Variants in SCD5 observed in about 807,000 individuals in gnomAD.
SCD5 encodes acyl-CoA-desaturase 4.
Under a neutral mutation model 30.4 loss-of-function variants are expected in SCD5, and 20 were observed. The ratio of observed to expected loss-of-function variants is 0.66; its 90% confidence interval spans 0.46 to 0.96. SCD5 has a LOEUF of 0.96. Ranked by LOEUF, SCD5 falls within the 40% of genes least tolerant of loss-of-function variation. The probability of loss-of-function intolerance (pLI) is 0.00; values close to 1 mark genes in which losing one functional copy is unlikely to be tolerated. For missense variants in SCD5, 381 were observed against 443.3 expected (o/e 0.86, Z 1.26); for synonymous variants, 173 against 176.4 (o/e 0.98, Z 0.16).
Position 82,712,905 on chromosome 4 carries a change from G to A in SCD5, c.233-7492C>T, listed in dbSNP as rs144398351. Among the ~76,000 whole-genome samples the A allele has an allele frequency of 7.9e-5, 12 of 152,306 alleles. No individual in the cohort carries two copies. In the East Asian group the frequency reaches 1.3e-3, roughly 17 times the overall value. On this transcript the variant is annotated intron_variant, in intron 1 of 4. Transcript: ENST00000319540. The stretch of plus-strand genomic sequence containing the variant: ...TTCAAGATTCAGAGGTGATTTCCAC[G>A]TAGGTACTATTTCAACAATTCTTTC...
chr4:82,730,453 T>C (rs548980268), intron 1 of SCD5, among the ~76,000 whole-genome samples: 44 of 148,334 alleles, frequency 3.0e-4, no homozygotes, highest in South Asian at 4.3e-4. Context: ...CATGCCACTA[T>C]GCCTGGCTAA....
intron 4 of SCD5, among the ~76,000 whole-genome samples, chr4:82,634,771 C>T (rs1486648626): frequency 2.0e-5 from 3 of 152,168 alleles, no homozygotes; most frequent in African/African-American, 7.2e-5. Flanking sequence ...CCATCTTGTC[C>T]CCATTTCTGT....
At chr4:82,729,032 G>A (rs1009592757) in intron 1 of SCD5, among the ~76,000 whole-genome samples, 1 of 152,204 alleles carries the variant, frequency 6.6e-6, no homozygotes, top group African/African-American at 2.4e-5. Flanking sequence ...AGGAGAGGGA[G>A]AAAGGTATAG....
intron 1 of SCD5, among the ~76,000 whole-genome samples, chr4:82,712,285 TATATATATATATTTTA>T (rs1720121622): frequency 2.2e-5 from 1 of 45,074 alleles, no homozygotes; most frequent in African/African-American, 1.1e-4. Flanking sequence ...TATATATATA[TATATATATATATTTTA>T]TTTTTATTTT....
intron 3 of SCD5, among the ~76,000 whole-genome samples, chr4:82,648,177 T>G (rs573110495): frequency 6.6e-6 from 1 of 152,346 alleles, no homozygotes; most frequent in African/African-American, 2.4e-5. Flanking sequence ...TCTGAGCCAC[T>G]GAACCTCAGG....
intron 1 of SCD5, among the ~76,000 whole-genome samples, chr4:82,728,113 C>T (rs1173777343): frequency 6.6e-6 from 1 of 151,502 alleles, no homozygotes; most frequent in African/African-American, 2.4e-5. Context: ...AGAGTGAAAC[C>T]CTGTCTCTAA....
intron 2 of SCD5, among the ~76,000 whole-genome samples, chr4:82,687,833 A>C (rs913130232): frequency 1.3e-5 from 2 of 152,088 alleles, no homozygotes; most frequent in African/African-American, 2.4e-5. Context: ...CTTCAGAACT[A>C]CTCCCCAGCT....
chr4:82,794,902 C>T (rs564316801), intron 1 of SCD5, among the ~76,000 whole-genome samples: 152 of 152,288 alleles, frequency 1.0e-3, no homozygotes, highest in Non-Finnish European at 2.0e-3. Context: ...CAGCCCGCCT[C>T]GGCCTCCCAA....
intron 1 of SCD5, among the ~76,000 whole-genome samples, chr4:82,728,434 A>G (rs1379234037): frequency 2.0e-5 from 3 of 152,234 alleles, no homozygotes; most frequent in African/African-American, 7.2e-5. Flanking sequence ...TAAGATAGGC[A>G]TAGTTTCTAC....
At chr4:82,721,439 C>T (rs75332437) in intron 1 of SCD5, among the ~76,000 whole-genome samples, 1,683 of 152,254 alleles carry the variant, frequency 0.011, 25 homozygotes, top group African/African-American at 0.037. Context: ...TTGTGTCCCC[C>T]CAAAATTCAA....
At chr4:82,670,184 T>G (rs924137825) in intron 3 of SCD5, among the ~76,000 whole-genome samples, 1 of 151,910 alleles carries the variant, frequency 6.6e-6, no homozygotes, top group Non-Finnish European at 1.5e-5. Flanking sequence ...GCATCAGAAC[T>G]AGATATAGCA....
intron 1 of SCD5, among the ~76,000 whole-genome samples, chr4:82,786,992 C>A (rs1722003273): frequency 6.6e-6 from 1 of 152,182 alleles, no homozygotes; most frequent in South Asian, 2.1e-4. Flanking sequence ...TCCGTCCACT[C>A]CGGCCAAAAG....
intron 1 of SCD5, among the ~76,000 whole-genome samples, chr4:82,789,533 G>A (rs907138802): frequency 1.3e-5 from 2 of 152,148 alleles, no homozygotes; most frequent in Non-Finnish European, 2.9e-5. Context: ...TGATGCTGGC[G>A]GTCTGAGGAC....
At position 82,636,580 on chromosome 4, in the gene SCD5, C is replaced by G; in HGVS notation, c.802+11G>C. 1 of 1,608,970 alleles carries G rather than the reference C, an allele frequency of 6.2e-7. No individual in the cohort carries two copies. The highest frequency in any genetic ancestry group is 8.5e-7 in the Non-Finnish European group (1 of 1,176,856). On this transcript the variant is annotated intron_variant, in intron 4 of 4. Coordinates refer to ENST00000319540, the MANE Select transcript of SCD5 (RefSeq NM_001037582.3). ...CCATTCTCCCCATTGGCCCTCAACA[C>G]CCCTACTCACCAATGGCACCCAGAG...
chr4:82,649,928 A>AT (rs2148814466), intron 3 of SCD5, among the ~76,000 whole-genome samples: 1 of 152,330 alleles, frequency 6.6e-6, no homozygotes, highest in South Asian at 2.1e-4. Flanking sequence ...ATGAATGGAC[A>AT]GTGTGCTCAC....
intron 1 of SCD5, among the ~76,000 whole-genome samples, chr4:82,795,130 T>C (rs145911956): frequency 1.2e-3 from 189 of 152,324 alleles, no homozygotes; most frequent in African/African-American, 4.4e-3. Flanking sequence ...CTTTCACGGA[T>C]GACATTTTAC....
At chr4:82,732,439 C>T (rs1720664101) in intron 1 of SCD5, among the ~76,000 whole-genome samples, 1 of 152,232 alleles carries the variant, frequency 6.6e-6, no homozygotes, top group African/African-American at 2.4e-5. Flanking sequence ...GATGCACTCA[C>T]TCAGGTGTGT....
Position 82,798,591 on chromosome 4 carries a change from G to A in SCD5, c.-54C>T. The A allele has an allele frequency of 1.4e-6, 2 of 1,477,334 alleles. No individual in the cohort carries two copies. Among genetic ancestry groups the A allele is most frequent in the South Asian group, 1.3e-5 (1 of 75,590 alleles). The allele number at this position is 1,477,334 out of a possible 1,614,324, so 91.5% of individuals were successfully genotyped here. A position where few individuals can be genotyped will look rare whatever the true frequency, so the allele number is the denominator to read the frequency against. ...CGGCAGGCAGGCAGGCGCTCTGCCCGAGCGGAGCTCGAGGGTGGGGGCGGG... is the reference window on the plus strand; with the variant it reads ...CGGCAGGCAGGCAGGCGCTCTGCCCAAGCGGAGCTCGAGGGTGGGGGCGGG... On this transcript the variant is annotated 5_prime_UTR_variant, in exon 1 of 5. Transcript: ENST00000319540.
intron 3 of SCD5, among the ~76,000 whole-genome samples, chr4:82,653,676 T>TGATAGACAGACAGATA (rs146878462): frequency 2.2e-5 from 3 of 136,552 alleles, no homozygotes; most frequent in Non-Finnish European, 3.1e-5. Context: ...TGAAAGTCAA[T>TGATAGACAGACAGATA]GATAGATAGA....
Sources: gnomAD v4.1 joint callset for allele counts (sites outside exome capture counted in the v4.1 genomes callset) on GRCh38, gnomAD v4.1.1 for gene constraint, MANE v1.5 for transcripts, NCBI Gene and HGNC (gene_info 2026-07-23, HGNC 2026-07-21) for gene names.